The following VPS13D variants were observed in gnomAD, a reference collection of about 807,000 sequenced individuals.
The protein encoded by VPS13D is intermembrane lipid transfer protein VPS13D.
A neutral mutation model predicts 461.9 loss-of-function variants in VPS13D; 187 were observed. The observed-to-expected ratio is 0.40, with a 90% confidence interval of 0.36 to 0.46. VPS13D has a LOEUF of 0.46. Ranked by LOEUF, VPS13D falls within the 20% of genes least tolerant of loss-of-function variation. The pLI is 0.60. For synonymous variants in VPS13D, 1,951 were observed against 1,986.3 expected, an observed-to-expected ratio of 0.98 and a Z score of 0.47; for missense variants, 4,711 against 5,364.9, an observed-to-expected ratio of 0.88 and a Z score of 3.81.
chr1:12,441,006 A>G (rs1259387053), intron 65 of VPS13D, among the ~76,000 whole-genome samples: 4 of 150,174 alleles, frequency 2.7e-5, no homozygotes, highest in East Asian at 2.0e-4. Flanking sequence ...GCTCGCTGCA[A>G]CCTCCGCCTC....
intron 7 of VPS13D, 71 bp downstream of exon 7, chr1:12,253,897 G>C (rs1640823667): frequency 1.6e-6 from 2 of 1,244,300 alleles, no homozygotes; most frequent in African/African-American, 3.0e-5. Context: ...ACTGCCACGG[G>C]GGCTTTTGTC....
chr1:12,374,165 A>G (rs1165937762), intron 55 of VPS13D, among the ~76,000 whole-genome samples: 1 of 152,288 alleles, frequency 6.6e-6, no homozygotes, highest in Non-Finnish European at 1.5e-5. Flanking sequence ...TTAAGTAGCA[A>G]TAATTGTAAC....
chr1:12,500,624 T>C (rs1247410379), intron 68 of VPS13D, among the ~76,000 whole-genome samples: 1 of 152,054 alleles, frequency 6.6e-6, no homozygotes, highest in South Asian at 2.1e-4. Flanking sequence ...TTTTAAAATA[T>C]AGTTTTAGAA....
intron 24 of VPS13D, 66 bp downstream of exon 24, chr1:12,293,770 T>G: frequency 1.3e-6 from 2 of 1,503,828 alleles, no homozygotes; most frequent in Non-Finnish European, 1.8e-6. Flanking sequence ...TTTAGGCCTC[T>G]AGAGATGAAT....
intron 18 of VPS13D, among the ~76,000 whole-genome samples, chr1:12,274,187 C>T (rs1378438563): frequency 6.6e-6 from 1 of 152,124 alleles, no homozygotes; most frequent in Non-Finnish European, 1.5e-5. Context: ...ATTACAGGTG[C>T]CCACCACTAT....
chr1:12,314,710 A>G (rs1450323536), intron 30 of VPS13D, among the ~76,000 whole-genome samples: 2 of 152,214 alleles, frequency 1.3e-5, no homozygotes, highest in African/African-American at 2.4e-5. Flanking sequence ...TTTGACTTGA[A>G]TTACCCATTC....
chr1:12,401,673 A>C lies in VPS13D; in HGVS notation c.11850A>C (p.Leu3950=). 6.2e-7 allele frequency: 1 copy of C among 1,613,538 alleles called. No individual in the cohort carries two copies. Among genetic ancestry groups the C allele is most frequent in the Non-Finnish European group, 8.5e-7 (1 of 1,179,494 alleles). Residue 3950 remains leucine (L), a synonymous_variant, in exon 62 of 70, where the codon CTA becomes CTC. Transcript: ENST00000620676. ...QIEEKLLLKL[L]SFFGYDQAES... ...AGGAGAAACTGCTCCTCAAGCTGCTAAGTTTCTTTGGCTACGATCAAGCAG... is the reference window on the plus strand; with the variant it reads ...AGGAGAAACTGCTCCTCAAGCTGCTCAGTTTCTTTGGCTACGATCAAGCAG...
At position 12,505,287 on chromosome 1, in the gene VPS13D, T is replaced by A. The variant is rs1294556882; in HGVS notation, c.12795-1566T>A. Among the ~76,000 whole-genome samples the A allele has an allele frequency of 1.3e-5, 2 of 152,244 alleles. No homozygotes were observed. Reference sequence around the variant, plus strand: ...CCTCCTTTCTTCCCCGGACCAGCTATTTCAGATTCCATTCAACTCTGTTCA... The same window carrying A: ...CCTCCTTTCTTCCCCGGACCAGCTAATTCAGATTCCATTCAACTCTGTTCA... On this transcript the variant is annotated intron_variant, in intron 68 of 69. Coordinates refer to ENST00000620676, the MANE Select transcript of VPS13D (RefSeq NM_015378.4). This position sits in a 1 kb window ranked among gnomAD's most constrained non-coding sequence, Gnocchi z 4.2.
chr1:12,443,995 G>A (rs1006666466), intron 65 of VPS13D, among the ~76,000 whole-genome samples: 1 of 151,876 alleles, frequency 6.6e-6, no homozygotes, highest in Admixed American at 6.6e-5. Context: ...ACAGGCACCC[G>A]CCATCGTGCC....
At chr1:12,292,535 G>A (rs866241697) in intron 23 of VPS13D, among the ~76,000 whole-genome samples, 1 of 149,918 alleles carries the variant, frequency 6.7e-6, no homozygotes, top group African/African-American at 2.5e-5. Context: ...TACCTCCCAG[G>A]CTCAAGCAAT....
At chr1:12,350,979 G>T (rs578205951) in intron 46 of VPS13D, among the ~76,000 whole-genome samples, 1 of 152,278 alleles carries the variant, frequency 6.6e-6, no homozygotes, top group African/African-American at 2.4e-5. Flanking sequence ...TATCAAAACT[G>T]ATACAAAGAA....
chr1:12,327,242 T>C (rs1329862041), intron 35 of VPS13D, among the ~76,000 whole-genome samples: 1 of 152,174 alleles, frequency 6.6e-6, no homozygotes, highest in Non-Finnish European at 1.5e-5. Flanking sequence ...TCATTTACAC[T>C]GTCCCTGGTA....
At position 12,279,755 on chromosome 1, in the gene VPS13D, A is replaced by G. The variant is rs1557682679; in HGVS notation, c.4602+105A>G. 3 of 1,042,352 alleles carry G rather than the reference A, an allele frequency of 2.9e-6. No individual in the cohort carries two copies. Among genetic ancestry groups the G allele is most frequent in the Non-Finnish European group, 3.9e-6 (3 of 770,624 alleles). 64.6% of individuals were successfully genotyped at this position (1,042,352 alleles called of 1,614,324 possible). A position where few individuals can be genotyped will look rare whatever the true frequency, so the allele number is the denominator to read the frequency against. On this transcript the variant is annotated intron_variant, in intron 20 of 69. Coordinates refer to ENST00000620676, the MANE Select transcript of VPS13D (RefSeq NM_015378.4). This position sits in a 1 kb window ranked among gnomAD's most constrained non-coding sequence, Gnocchi z 4.3. ...ATGTTGGAAGGAATATATATTTTCA[A>G]AGATATATCACCCATGCATAATACC...
chr1:12,457,400 A>G (rs188496535), intron 66 of VPS13D, among the ~76,000 whole-genome samples: 36 of 152,346 alleles, frequency 2.4e-4, no homozygotes, highest in Non-Finnish European at 4.9e-4. Context: ...ATGACAGAGC[A>G]CAGTCTGGGT....
At chr1:12,415,989 T>A (rs1644788867) in intron 64 of VPS13D, among the ~76,000 whole-genome samples, 1 of 152,038 alleles carries the variant, frequency 6.6e-6, no homozygotes, top group African/African-American at 2.4e-5. Flanking sequence ...AAGACCAGCC[T>A]AGGCAACATA....
intron 15 of VPS13D, 151 bp from the exon 16 acceptor site, chr1:12,268,555 T>C: frequency 2.2e-6 from 2 of 893,124 alleles, no homozygotes; most frequent in Non-Finnish European, 3.4e-6. Context: ...TCAATCCTGA[T>C]GAGGCTTTCT....
intron 54 of VPS13D, among the ~76,000 whole-genome samples, chr1:12,372,700 A>G (rs969255204): frequency 2.0e-5 from 3 of 150,102 alleles, no homozygotes; most frequent in Admixed American, 6.6e-5. Flanking sequence ...GAAGTTTCTC[A>G]TTTTGGTCAC....
chr1:12,421,671 T>A (rs546282076), intron 65 of VPS13D, among the ~76,000 whole-genome samples: 8 of 152,234 alleles, frequency 5.3e-5, no homozygotes, highest in Non-Finnish European at 1.0e-4. Context: ...CCCACTGTCT[T>A]TTCTGCCCCT....
intron 22 of VPS13D, among the ~76,000 whole-genome samples, chr1:12,290,659 C>G (rs1642103206): frequency 6.6e-6 from 1 of 151,146 alleles, no homozygotes; most frequent in African/African-American, 2.4e-5. Context: ...GGAGGCAGAA[C>G]TTGCAGTGAC....
Sources: allele counts gnomAD v4.1 joint callset (sites outside exome capture counted in the v4.1 genomes callset), GRCh38; gene constraint gnomAD v4.1.1; non-coding constraint Gnocchi (gnomAD v3.1); transcripts MANE v1.5; gene names NCBI Gene and HGNC (gene_info 2026-07-23, HGNC 2026-07-21).